Variants in NHLRC2 observed in about 807,000 individuals in gnomAD.
The protein encoded by NHLRC2 is NHL repeat containing 2.
In NHLRC2, 33 loss-of-function variants were observed where a neutral mutation model predicts 68.1. That is an observed-to-expected ratio of 0.48 (90% CI 0.37 to 0.65). NHLRC2 has a LOEUF of 0.65. Ranked by LOEUF, NHLRC2 falls within the 30% of genes least tolerant of loss-of-function variation. The pLI is 0.00. For missense variants in NHLRC2, 761 were observed against 853.8 expected, an observed-to-expected ratio of 0.89 and a Z score of 1.35; for synonymous variants, 311 against 309.6, an observed-to-expected ratio of 1.00 and a Z score of -0.05.
chr10:113,899,934 A>T (rs978282031), intron 6 of NHLRC2, among the ~76,000 whole-genome samples: 1 of 152,028 alleles, frequency 6.6e-6, no homozygotes, highest in Non-Finnish European at 1.5e-5. Context: ...AAAAAAATTG[A>T]AATTGTTCCT....
At chr10:113,890,641 G>T (rs565021792) in intron 5 of NHLRC2, among the ~76,000 whole-genome samples, 1 of 151,894 alleles carries the variant, frequency 6.6e-6, no homozygotes, top group Admixed American at 6.6e-5. Context: ...AATAACTCTT[G>T]CATATTGTGT....
At position 113,876,514 on chromosome 10, in the gene NHLRC2, C is replaced by A. The variant is rs754355720; in HGVS notation, c.332-7C>A. On this transcript the variant is annotated splice_polypyrimidine_tract_variant and splice_region_variant and intron_variant, in intron 2 of 10. Transcript: ENST00000369301. ...ATAATGTTTAACATATAATTTTTTC[C>A]TTTCAGATGGTCTTCTTATTATTGG... The A allele has an allele frequency of 6.6e-7, 1 of 1,522,526 alleles. No individual in the cohort carries two copies. Among genetic ancestry groups the A allele is most frequent in the Admixed American group, 2.0e-5 (1 of 48,918 alleles). 94.3% of individuals were successfully genotyped at this position (1,522,526 alleles called of 1,614,324 possible).
At chr10:113,890,187 T>G (rs994988761) in intron 5 of NHLRC2, among the ~76,000 whole-genome samples, 1 of 152,250 alleles carries the variant, frequency 6.6e-6, no homozygotes, top group African/African-American at 2.4e-5. Context: ...GAACTTCTTA[T>G]GACACAGGTC....
chr10:113,865,526 T>C, intron 2 of NHLRC2, among the ~76,000 whole-genome samples: 1 of 151,830 alleles, frequency 6.6e-6, no homozygotes, highest in African/African-American at 2.4e-5. Flanking sequence ...CGAGAAATAG[T>C]TGAGAATGCC....
intron 2 of NHLRC2, among the ~76,000 whole-genome samples, chr10:113,865,107 G>A (rs914454153): frequency 1.3e-5 from 2 of 151,662 alleles, no homozygotes; most frequent in African/African-American, 4.8e-5. Context: ...TCCTCACCAC[G>A]CCCAGCTAAT....
intron 2 of NHLRC2, among the ~76,000 whole-genome samples, chr10:113,864,402 T>A (rs1485095002): frequency 6.6e-6 from 1 of 151,928 alleles, no homozygotes; most frequent in African/African-American, 2.4e-5. Context: ...GAAGAAACTA[T>A]AAGAACACAA....
At chr10:113,861,125 CCT>C (rs2134688099) in intron 2 of NHLRC2, among the ~76,000 whole-genome samples, 1 of 152,034 alleles carries the variant, frequency 6.6e-6, no homozygotes, top group East Asian at 1.9e-4. Context: ...AATCAGTGAA[CCT>C]GAAGATAAGG....
intron 5 of NHLRC2, among the ~76,000 whole-genome samples, chr10:113,886,171 A>AATT (rs772500127): frequency 2.0e-5 from 3 of 152,090 alleles, no homozygotes; most frequent in Admixed American, 1.3e-4. Flanking sequence ...TTTAAGAGTA[A>AATT]ATTTAACCAA....
chr10:113,881,617 A>T (rs1214934745), intron 4 of NHLRC2, among the ~76,000 whole-genome samples: 1 of 151,718 alleles, frequency 6.6e-6, no homozygotes, highest in East Asian at 1.9e-4. Flanking sequence ...CATACCTATA[A>T]GCAGCCATTG....
rs1845777525 is a variant in NHLRC2 at position 113,858,102 on chromosome 10, C to A, written c.179-426C>A. 2.7e-5 allele frequency among the ~76,000 whole-genome samples: 4 copies of A among 149,816 alleles called. No individual in the cohort carries two copies. The East Asian group carries it at 7.8e-4, about 29-fold the overall frequency. ...CTTTACTCCTTTTCACAGACTGTTA[C>A]CCTATTTCTGAAAGAATTTAGTAGC... On this transcript the variant is annotated intron_variant, in intron 1 of 10. Coordinates refer to ENST00000369301, the MANE Select transcript of NHLRC2 (RefSeq NM_198514.4).
chr10:113,863,698 T>C (rs78711395), intron 2 of NHLRC2, among the ~76,000 whole-genome samples: 2,909 of 152,042 alleles, frequency 0.019, 65 homozygotes, highest in East Asian at 0.1. Flanking sequence ...TCTCTAAAAG[T>C]ACCAGAAAAA....
chr10:113,870,755 AGT>A (rs1405382595), intron 2 of NHLRC2, among the ~76,000 whole-genome samples: 2 of 152,202 alleles, frequency 1.3e-5, no homozygotes, highest in Non-Finnish European at 2.9e-5. Context: ...TTCTGCTAGC[AGT>A]GTGTGAGTGT....
Position 113,911,812 on chromosome 10 carries a change from A to C in NHLRC2, c.*3276A>C, listed in dbSNP as rs1313684693. 6.6e-6 allele frequency: 1 copy of C among 152,122 alleles called. No individual in the cohort carries two copies. The highest frequency in any genetic ancestry group is 1.5e-5 in the Non-Finnish European group (1 of 67,986). The allele number at this position is 152,122 out of a possible 1,614,324, so 9.4% of individuals were successfully genotyped here. A position where few individuals can be genotyped will look rare whatever the true frequency, so the allele number is the denominator to read the frequency against. ...GTTACATAAGAATATATGCAGAGGG[A>C]AAATGTCAATAGTTCTTGTGAATGA... On this transcript the variant is annotated 3_prime_UTR_variant, in exon 11 of 11. Transcript: ENST00000369301.
chr10:113,908,237 A>G (rs559139259), intron 10 of NHLRC2, 43 bp from the exon 11 acceptor site: 15 of 1,480,006 alleles, frequency 1.0e-5, no homozygotes, highest in Admixed American at 8.6e-5. Context: ...CCAGTTTTCT[A>G]CTTATCTTAT....
In NHLRC2 at chr10:113,876,641, C is replaced by T. The variant is rs372751881; in HGVS notation, c.452C>T (p.Ala151Val). The T allele has an allele frequency of 6.2e-6, 10 of 1,613,718 alleles. No homozygotes were observed. In the African/African-American group the frequency reaches 1.2e-4, roughly 19 times the overall value. ...CACCCTATGGTTAATGATGCAGATGCCAGCCTTTGGCAAGAACTAGAAGTT... is the reference window on the plus strand; with the variant it reads ...CACCCTATGGTTAATGATGCAGATGTCAGCCTTTGGCAAGAACTAGAAGTT... ...ITHPMVNDAD[A>V]SLWQELEVSC... Residue 151 changes from alanine (A) to valine (V), a missense_variant, in exon 3 of 11, where the codon GCC becomes GTC. Coordinates refer to ENST00000369301, the MANE Select transcript of NHLRC2 (RefSeq NM_198514.4).
chr10:113,873,282 G>A (rs1845946921), intron 2 of NHLRC2, among the ~76,000 whole-genome samples: 1 of 152,156 alleles, frequency 6.6e-6, no homozygotes, highest in Non-Finnish European at 1.5e-5. Flanking sequence ...ATCTACTATA[G>A]GGAGAGCTAG....
chr10:113,859,134 C>G (rs1299225349), intron 2 of NHLRC2, among the ~76,000 whole-genome samples: 1 of 152,010 alleles, frequency 6.6e-6, no homozygotes, highest in African/African-American at 2.4e-5. Flanking sequence ...CAAAATATAA[C>G]AGATACTCTT....
chr10:113,910,650 T>G lies in NHLRC2; in HGVS notation c.*2114T>G, dbSNP rs1048195564. The G allele has an allele frequency of 6.6e-6, 1 of 152,250 alleles. No homozygotes were observed. The highest frequency in any genetic ancestry group is 2.4e-5 in the African/African-American group (1 of 41,460). 9.4% of individuals were successfully genotyped at this position (152,250 alleles called of 1,614,324 possible). On this transcript the variant is annotated 3_prime_UTR_variant, in exon 11 of 11. Coordinates refer to ENST00000369301, the MANE Select transcript of NHLRC2 (RefSeq NM_198514.4). ...TGAAGTATATACAATTTTAATTTAC[T>G]AATTTAGAAATATCTGAGTTTATTT... is the stretch of plus-strand genomic sequence containing the variant.
rs1467341519 is a variant in NHLRC2, at chr10:113,916,314, C to T, written c.*7778C>T. On this transcript the variant is annotated 3_prime_UTR_variant, in exon 11 of 11. Coordinates refer to ENST00000369301, the MANE Select transcript of NHLRC2 (RefSeq NM_198514.4). ...TGCTTCCTCTCCACAGCTTAGGCCT[C>T]CCTCTTACTAAAAACAATAGTAGTT... The T allele has an allele frequency of 6.6e-6, 1 of 152,166 alleles. No individual in the cohort carries two copies. Among genetic ancestry groups the T allele is most frequent in the Admixed American group, 6.5e-5 (1 of 15,278 alleles). 9.4% of individuals were successfully genotyped at this position (152,166 alleles called of 1,614,324 possible).
Sources: gnomAD v4.1 joint callset for allele counts (sites outside exome capture counted in the v4.1 genomes callset) on GRCh38, gnomAD v4.1.1 for gene constraint, MANE v1.5 for transcripts, NCBI Gene and HGNC (gene_info 2026-07-23, HGNC 2026-07-21) for gene names.